GRK3: variants seen among roughly 807,000 people sequenced by gnomAD.
GRK3 encodes G protein-coupled receptor kinase 3, also known as adrenergic, beta, receptor kinase 2.
Under a neutral mutation model 95.7 loss-of-function variants are expected in GRK3, and 54 were observed. The ratio of observed to expected loss-of-function variants is 0.56; its 90% confidence interval spans 0.45 to 0.71. The LOEUF (loss-of-function observed/expected upper bound fraction) is 0.71, where lower values mean the gene tolerates loss of function less well. GRK3 is among the 30% of genes least tolerant of loss of function. GRK3 has a pLI of 0.00. For synonymous variants in GRK3, 281 were observed against 290.8 expected (o/e 0.97, Z 0.34); for missense variants, 649 against 851.2 (o/e 0.76, Z 2.96).
chr22:25,601,148 T>C (rs1316028583), intron 1 of GRK3, among the ~76,000 whole-genome samples: 2 of 152,194 alleles, frequency 1.3e-5, no homozygotes, highest in Non-Finnish European at 2.9e-5. Context: ...TAAGCAACAC[T>C]ATCAACCAAC....
At chr22:25,588,385 A>C (rs1932387324) in intron 1 of GRK3, among the ~76,000 whole-genome samples, 1 of 152,258 alleles carries the variant, frequency 6.6e-6, no homozygotes, top group Non-Finnish European at 1.5e-5. Context: ...TGTTATCTGA[A>C]CATAGATTGT....
chr22:25,607,259 G>C (rs2084457324), intron 2 of GRK3, among the ~76,000 whole-genome samples: 1 of 152,000 alleles, frequency 6.6e-6, no homozygotes, highest in South Asian at 2.1e-4. Context: ...TTCTTATACA[G>C]CCGCAGTACC....
chr22:25,615,943 A>G (rs1400274258), intron 2 of GRK3, among the ~76,000 whole-genome samples: 1 of 148,050 alleles, frequency 6.8e-6, no homozygotes, highest in Non-Finnish European at 1.5e-5. Context: ...GAGCAGGGCA[A>G]AGACCCTAAG....
chr22:25,636,661 C>T (rs2084703807), intron 2 of GRK3, among the ~76,000 whole-genome samples: 1 of 152,182 alleles, frequency 6.6e-6, no homozygotes, highest in African/African-American at 2.4e-5. Context: ...TATCAAAAGA[C>T]AGAATATTTC....
At chr22:25,680,953 T>G (rs1214864193) in intron 9 of GRK3, among the ~76,000 whole-genome samples, 2 of 151,980 alleles carry the variant, frequency 1.3e-5, no homozygotes, top group African/African-American at 4.8e-5. Context: ...TGGAAGGTTT[T>G]TTTTTTTTTT....
At chr22:25,698,458 T>C (rs2085228902) in intron 13 of GRK3, among the ~76,000 whole-genome samples, 1 of 152,116 alleles carries the variant, frequency 6.6e-6, no homozygotes. Context: ...AATTCTAACC[T>C]GGAAGTGTAG....
chr22:25,586,323 T>C (rs1932302368), intron 1 of GRK3, among the ~76,000 whole-genome samples: 2 of 152,286 alleles, frequency 1.3e-5, no homozygotes, highest in African/African-American at 2.4e-5. Flanking sequence ...AGAGTGACTA[T>C]AGTCAATAAT....
chr22:25,625,314 CA>C (rs1232051287), intron 2 of GRK3, among the ~76,000 whole-genome samples: 1 of 152,174 alleles, frequency 6.6e-6, no homozygotes, highest in African/African-American at 2.4e-5. Flanking sequence ...CCTCGCTCTG[CA>C]ATCATAACCT....
intron 2 of GRK3, 123 bp downstream of exon 2, chr22:25,604,576 G>A: frequency 3.8e-6 from 2 of 524,448 alleles, no homozygotes; most frequent in Non-Finnish European, 6.5e-6. Context: ...TGGGAATAAA[G>A]GAAATTTCAT....
At chr22:25,677,726 G>A (rs1400413595) in intron 8 of GRK3, among the ~76,000 whole-genome samples, 1 of 152,206 alleles carries the variant, frequency 6.6e-6, no homozygotes, top group African/African-American at 2.4e-5. Context: ...TGTCCATGCT[G>A]CAGATCCGGG....
At chr22:25,587,125 A>G (rs1405522889) in intron 1 of GRK3, among the ~76,000 whole-genome samples, 3 of 152,194 alleles carry the variant, frequency 2.0e-5, no homozygotes, top group Non-Finnish European at 4.4e-5. Flanking sequence ...TCCTGACCTC[A>G]GGTGATCCCC....
intron 1 of GRK3, among the ~76,000 whole-genome samples, chr22:25,593,694 G>A (rs1301295056): frequency 6.6e-6 from 1 of 152,146 alleles, no homozygotes; most frequent in Non-Finnish European, 1.5e-5. Flanking sequence ...AAGCACTTTA[G>A]ATTAATTGGG....
chr22:25,712,799 T>C (rs889827927), intron 17 of GRK3, among the ~76,000 whole-genome samples: 10 of 152,344 alleles, frequency 6.6e-5, no homozygotes, highest in African/African-American at 2.4e-4. Flanking sequence ...TATTATTATG[T>C]TTTGGTTCTT....
intron 9 of GRK3, among the ~76,000 whole-genome samples, chr22:25,679,141 C>T (rs2085055451): frequency 6.6e-6 from 1 of 152,182 alleles, no homozygotes; most frequent in African/African-American, 2.4e-5. Flanking sequence ...TTGTCCTTGA[C>T]TTCCTTCTTT....
chr22:25,607,755 T>G (rs1486603672), intron 2 of GRK3, among the ~76,000 whole-genome samples: 2 of 151,760 alleles, frequency 1.3e-5, no homozygotes, highest in African/African-American at 4.9e-5. Flanking sequence ...TTTTTTTTTT[T>G]TTTTCAGTAG....
chr22:25,707,205 A>G (rs1218704728), intron 15 of GRK3, among the ~76,000 whole-genome samples: 1 of 152,188 alleles, frequency 6.6e-6, no homozygotes, highest in Non-Finnish European at 1.5e-5. Flanking sequence ...CTTTCATGCA[A>G]TCACTGGCTT....
intron 1 of GRK3, among the ~76,000 whole-genome samples, chr22:25,594,418 A>G (rs865805525): frequency 3.3e-5 from 5 of 152,202 alleles, no homozygotes; most frequent in South Asian, 2.1e-4. Context: ...ACTACAGGCC[A>G]ACATCCCTGA....
At chr22:25,696,009 AT>A in intron 13 of GRK3, among the ~76,000 whole-genome samples, 1 of 151,430 alleles carries the variant, frequency 6.6e-6, no homozygotes, top group South Asian at 2.1e-4. Flanking sequence ...AATTTTTTGT[AT>A]TTTTTCAGTA....
At chr22:25,669,418 C>A (rs1316124599) in intron 6 of GRK3, among the ~76,000 whole-genome samples, 1 of 152,212 alleles carries the variant, frequency 6.6e-6, no homozygotes, top group Admixed American at 6.5e-5. Context: ...ACTTCAGTTG[C>A]TCAGCAGGAC....
Sources: allele counts gnomAD v4.1 joint callset (sites outside exome capture counted in the v4.1 genomes callset), GRCh38; gene constraint gnomAD v4.1.1; transcripts MANE v1.5; gene names NCBI Gene and HGNC (gene_info 2026-07-23, HGNC 2026-07-21).